ADAMTSL1: variants seen among roughly 807,000 people sequenced by gnomAD.
ADAMTSL1 encodes the protein ADAMTS-like protein 1.
In ADAMTSL1, 126 loss-of-function variants were observed where a neutral mutation model predicts 201.8. That is an observed-to-expected ratio of 0.62 (90% CI 0.54 to 0.72). The LOEUF (loss-of-function observed/expected upper bound fraction) is 0.72, where lower values mean the gene tolerates loss of function less well. Among genes scored for constraint, ADAMTSL1 ranks in the 30% least tolerant of loss-of-function variants. The probability of loss-of-function intolerance (pLI) is 0.00; values close to 1 mark genes in which losing one functional copy is unlikely to be tolerated. For missense variants in ADAMTSL1, 2,679 were observed against 2,277.8 expected (o/e 1.18, Z -3.59); for synonymous variants, 1,121 against 903.4 (o/e 1.24, Z -4.32).
Position 17,911,759 on chromosome 9 carries a change from T to A in ADAMTSL1, c.87+4837T>A, listed in dbSNP as rs1212343328. 2.0e-4 allele frequency among the ~76,000 whole-genome samples: 13 copies of A among 66,074 alleles called. 5 individuals carry two copies. The Admixed American group carries it at 2.2e-3, about 11-fold the overall frequency. 43.3% of individuals were successfully genotyped at this position (66,074 alleles called of 152,430 possible). On this transcript the variant is annotated intron_variant, in intron 1 of 29. Transcript: ENST00000680146. The stretch of plus-strand genomic sequence containing the variant: ...TGCAGGTTAGTTACATATGTATACA[T>A]GTGTCATGCTGGTGTGCTGCACCCA...
At chr9:18,271,126 C>T (rs931145611) in intron 2 of ADAMTSL1, among the ~76,000 whole-genome samples, 2 of 152,016 alleles carry the variant, frequency 1.3e-5, no homozygotes, top group African/African-American at 4.8e-5. Context: ...ATTGCTCTAA[C>T]AAATAGAGGA....
chr9:18,331,795 G>T (rs966680795), intron 2 of ADAMTSL1, among the ~76,000 whole-genome samples: 1 of 152,172 alleles, frequency 6.6e-6, no homozygotes. Context: ...CTCTGGCATT[G>T]CTTGGAGTCT....
At chr9:18,361,693 C>T (rs1219820577) in intron 2 of ADAMTSL1, among the ~76,000 whole-genome samples, 1 of 152,110 alleles carries the variant, frequency 6.6e-6, no homozygotes. Context: ...ATTTAGTTTT[C>T]ATGCAGAGAA....
chr9:18,655,029 C>G (rs907444192), intron 7 of ADAMTSL1, among the ~76,000 whole-genome samples: 13 of 152,228 alleles, frequency 8.5e-5, no homozygotes, highest in Non-Finnish European at 2.9e-5. Flanking sequence ...ACTGCCAGCC[C>G]CCTTGCTGGC....
intron 1 of ADAMTSL1, among the ~76,000 whole-genome samples, chr9:17,936,420 G>T (rs1038854736): frequency 1.3e-5 from 2 of 152,160 alleles, no homozygotes; most frequent in African/African-American, 2.4e-5. Flanking sequence ...TTATGACCAA[G>T]TTCTCTCTCA....
chr9:18,019,504 G>A (rs530169381), intron 1 of ADAMTSL1, among the ~76,000 whole-genome samples: 2 of 152,176 alleles, frequency 1.3e-5, no homozygotes, highest in South Asian at 4.1e-4. Flanking sequence ...ACACAGAAAG[G>A]TGTTTAAAAG....
chr9:18,872,160 CT>C (rs34668810), intron 23 of ADAMTSL1, among the ~76,000 whole-genome samples: 96,435 of 151,116 alleles, frequency 0.64, 31,187 homozygotes, highest in African/African-American at 0.76. Context: ...AAATAACCTT[CT>C]TTTTTTTTTA....
chr9:18,796,071 T>C (rs1160797424), intron 20 of ADAMTSL1, among the ~76,000 whole-genome samples: 3 of 152,222 alleles, frequency 2.0e-5, no homozygotes, highest in African/African-American at 7.2e-5. Flanking sequence ...GGTTAGACAA[T>C]ACATTCTGCA....
intron 4 of ADAMTSL1, among the ~76,000 whole-genome samples, chr9:18,590,150 T>G (rs1823814579): frequency 6.6e-6 from 1 of 152,086 alleles, no homozygotes; most frequent in South Asian, 2.1e-4. Flanking sequence ...AGCAGTGAAG[T>G]CATTGGGTCC....
chr9:18,285,157 A>G (rs1379086556), intron 2 of ADAMTSL1, among the ~76,000 whole-genome samples: 2 of 152,142 alleles, frequency 1.3e-5, no homozygotes, highest in African/African-American at 2.4e-5. Context: ...AAATATATTC[A>G]AACTCTCAAA....
intron 4 of ADAMTSL1, among the ~76,000 whole-genome samples, chr9:18,601,303 A>G (rs1457144565): frequency 1.3e-5 from 2 of 152,250 alleles, no homozygotes; most frequent in Non-Finnish European, 2.9e-5. Flanking sequence ...GTATTTAGCA[A>G]AATAAGTATT....
At position 18,829,801 on chromosome 9, in the gene ADAMTSL1, C is replaced by T. The variant is rs923345602; in HGVS notation, c.4115-42C>T. On this transcript the variant is annotated intron_variant, in intron 22 of 28. Transcript: ENST00000380548. Reference sequence around the variant, plus strand: ...CTCTTCCTCTTGCCTTGACACAGCCCTGTGCTTTAACCTGCCTGATCCACC... The same window carrying T: ...CTCTTCCTCTTGCCTTGACACAGCCTTGTGCTTTAACCTGCCTGATCCACC... 3.1e-6 allele frequency: 5 copies of T among 1,612,486 alleles called. No individual in the cohort carries two copies. In the African/African-American group the frequency reaches 5.3e-5, roughly 17 times the overall value.
chr9:18,206,048 C>A (rs1829634822), intron 2 of ADAMTSL1, among the ~76,000 whole-genome samples: 2 of 75,742 alleles, frequency 2.6e-5, no homozygotes, highest in Non-Finnish European at 2.3e-5. Flanking sequence ...AGTGAGACTC[C>A]ATCTCAAAAA....
intron 2 of ADAMTSL1, among the ~76,000 whole-genome samples, chr9:18,287,330 C>T (rs1833029195): frequency 6.6e-6 from 1 of 151,602 alleles, no homozygotes; most frequent in African/African-American, 2.4e-5. Context: ...TATACACACA[C>T]ACACGTGTGT....
At chr9:18,169,887 G>A (rs1354727289) in intron 2 of ADAMTSL1, among the ~76,000 whole-genome samples, 1 of 151,980 alleles carries the variant, frequency 6.6e-6, no homozygotes, top group Non-Finnish European at 1.5e-5. Context: ...TTTTAAAAAG[G>A]TAAGTCATTC....
Position 18,905,763 on chromosome 9 carries a change from A to G in ADAMTSL1, c.4852-19A>G, listed in dbSNP as rs1830269675. 2.5e-6 allele frequency: 4 copies of G among 1,601,882 alleles called. No individual in the cohort carries two copies. Among genetic ancestry groups the G allele is most frequent in the Non-Finnish European group, 3.4e-6 (4 of 1,172,204 alleles). On this transcript the variant is annotated intron_variant, in intron 26 of 28. Coordinates refer to ENST00000380548, the MANE Select transcript of ADAMTSL1 (RefSeq NM_001040272.6). Reference sequence around the variant, plus strand: ...TGACTTGGCTAATGTGCGGTATGTTACCTTTTTCTGCTTTCCAGTGCAATG... The same window carrying G: ...TGACTTGGCTAATGTGCGGTATGTTGCCTTTTTCTGCTTTCCAGTGCAATG...
chr9:18,804,867 G>A (rs902250702), intron 20 of ADAMTSL1, among the ~76,000 whole-genome samples: 3 of 152,070 alleles, frequency 2.0e-5, no homozygotes, highest in Non-Finnish European at 2.9e-5. Flanking sequence ...CTCTTTGTAA[G>A]GTATTGTTCA....
intron 1 of ADAMTSL1, among the ~76,000 whole-genome samples, chr9:18,008,835 G>C (rs992557275): frequency 4.6e-5 from 7 of 152,010 alleles, no homozygotes; most frequent in African/African-American, 1.7e-4. Context: ...TAAGTACTAA[G>C]TGAACAGGAG....
intron 1 of ADAMTSL1, among the ~76,000 whole-genome samples, chr9:18,042,672 GTGTT>G (rs1273177774): frequency 6.6e-6 from 1 of 152,126 alleles, no homozygotes; most frequent in East Asian, 1.9e-4. Context: ...TATTTGGTGT[GTGTT>G]TCTTTCTGGA....
Sources: gnomAD v4.1 joint callset for allele counts (sites outside exome capture counted in the v4.1 genomes callset) on GRCh38, gnomAD v4.1.1 for gene constraint, MANE v1.5 for transcripts, NCBI Gene and HGNC (gene_info 2026-07-23, HGNC 2026-07-21) for gene names.